ISM1: variants seen among roughly 807,000 people sequenced by gnomAD.
ISM1 encodes isthmin-1.
Under a neutral mutation model 46.3 loss-of-function variants are expected in ISM1, and 25 were observed. That is an observed-to-expected ratio of 0.54 (90% CI 0.39 to 0.75). The LOEUF is 0.75. Ranked by LOEUF, ISM1 falls within the 30% of genes least tolerant of loss-of-function variation. The probability of loss-of-function intolerance (pLI) is 0.00; values close to 1 mark genes in which losing one functional copy is unlikely to be tolerated. For missense variants in ISM1, 536 were observed against 625.4 expected, an observed-to-expected ratio of 0.86 and a Z score of 1.52; for synonymous variants, 255 against 256.7, an observed-to-expected ratio of 0.99 and a Z score of 0.06.
intron 4 of ISM1, 88 bp from the exon 5 acceptor site, chr20:13,292,286 T>A: frequency 1.3e-6 from 1 of 798,494 alleles, no homozygotes; most frequent in South Asian, 1.6e-5. Flanking sequence ...AAGGCTTTGT[T>A]CAGGTGTATT....
At chr20:13,259,498 G>C (rs963881889) in intron 1 of ISM1, among the ~76,000 whole-genome samples, 3 of 152,058 alleles carry the variant, frequency 2.0e-5, no homozygotes, top group Non-Finnish European at 4.4e-5. Context: ...TAAAGAAAAA[G>C]CACATGTCAA....
intron 1 of ISM1, among the ~76,000 whole-genome samples, chr20:13,223,568 C>T (rs1208438375): frequency 6.6e-6 from 1 of 152,128 alleles, no homozygotes; most frequent in Non-Finnish European, 1.5e-5. Context: ...GATTATTGCA[C>T]GCAATTACAA....
chr20:13,303,605 G>A (rs2040476599), downstream of ISM1, among the ~76,000 whole-genome samples: 1 of 152,226 alleles, frequency 6.6e-6, no homozygotes, highest in Non-Finnish European at 1.5e-5. Context: ...TGTGCAGAGG[G>A]CTTAAGAGTT....
intron 5 of ISM1, among the ~76,000 whole-genome samples, chr20:13,298,170 A>G (rs1296625366): frequency 6.6e-6 from 1 of 152,098 alleles, no homozygotes; most frequent in Non-Finnish European, 1.5e-5. Flanking sequence ...CAGTGGTGCA[A>G]TCTCAGCTCA....
chr20:13,228,801 C>A (rs1275006489), intron 1 of ISM1, among the ~76,000 whole-genome samples: 1 of 152,152 alleles, frequency 6.6e-6, no homozygotes, highest in African/African-American at 2.4e-5. Flanking sequence ...ATTTCAAGAT[C>A]TATCTTTCAT....
At chr20:13,281,919 CT>C (rs1463050568) in intron 3 of ISM1, among the ~76,000 whole-genome samples, 2 of 152,160 alleles carry the variant, frequency 1.3e-5, no homozygotes, top group African/African-American at 4.8e-5. Context: ...CAGCCCCTTC[CT>C]TATGTACCAG....
intron 3 of ISM1, among the ~76,000 whole-genome samples, chr20:13,285,012 C>T (rs988044452): frequency 6.6e-6 from 1 of 152,188 alleles, no homozygotes; most frequent in Non-Finnish European, 1.5e-5. Flanking sequence ...CCAGGCCAGG[C>T]ATGGTGACGT....
the ISM1 span, among the ~76,000 whole-genome samples, chr20:13,310,370 A>AC: frequency 6.6e-6 from 1 of 152,164 alleles, no homozygotes; most frequent in Non-Finnish European, 1.5e-5. Flanking sequence ...CTGGATATCC[A>AC]CCTGCAGAAG....
chr20:13,225,720 C>T (rs113923434), intron 1 of ISM1, among the ~76,000 whole-genome samples: 2,265 of 152,254 alleles, frequency 0.015, 32 homozygotes, highest in African/African-American at 0.018. Flanking sequence ...AATGAGAAAA[C>T]TATCTGCAGT....
intron 2 of ISM1, among the ~76,000 whole-genome samples, chr20:13,275,521 AG>A (rs1299262471): frequency 6.6e-6 from 1 of 152,184 alleles, no homozygotes; most frequent in Non-Finnish European, 1.5e-5. Flanking sequence ...GTTTGGGATC[AG>A]GCACCACCAT....
chr20:13,226,860 G>A (rs1478969487), intron 1 of ISM1, among the ~76,000 whole-genome samples: 2 of 152,196 alleles, frequency 1.3e-5, no homozygotes, highest in Non-Finnish European at 2.9e-5. Flanking sequence ...GATTCTAGTG[G>A]ACAAGAAATA....
chr20:13,229,835 T>C (rs1475086076), intron 1 of ISM1, among the ~76,000 whole-genome samples: 2 of 152,142 alleles, frequency 1.3e-5, no homozygotes, highest in African/African-American at 4.8e-5. Flanking sequence ...CAGAAATCCC[T>C]CTCTCTCTTC....
rs768392760 is a variant in ISM1 at position 13,279,774 on chromosome 20, C to G, written c.519C>G (p.Ser173Arg). 6.2e-7 allele frequency: 1 copy of G among 1,614,016 alleles called. No individual in the cohort carries two copies. Among genetic ancestry groups the G allele is most frequent in the South Asian group, 1.1e-5 (1 of 91,088 alleles). Reference protein sequence around the residue: ...QRSLSLARANSGDQDYKYDST... With the variant: ...QRSLSLARANRGDQDYKYDST... ...CCCTGTCCTTGGCCAGGGCAAACAG[C>G]GGGGACCAGGACTACAAGTACGACA... Residue 173 changes from serine (S) to arginine (R), a missense_variant, in exon 3 of 6, where the codon AGC becomes AGG. Physicochemically the swap from Ser to Arg is moderately radical, Grantham distance 110. This residue lies in a region of ISM1 where 367 missense variants were observed against 376.1 expected (regional missense o/e 0.98). Coordinates refer to ENST00000262487, the MANE Select transcript of ISM1 (RefSeq NM_080826.2).
At chr20:13,244,302 C>G (rs1177759203) in intron 1 of ISM1, 2 of 143,288 alleles carry the variant, frequency 1.4e-5, no homozygotes, top group African/African-American at 2.6e-5. Context: ...AGAGGGGACT[C>G]TCTCGACACT....
chr20:13,298,293 G>A (rs1216542810), intron 5 of ISM1, among the ~76,000 whole-genome samples: 1 of 152,032 alleles, frequency 6.6e-6, no homozygotes, highest in Non-Finnish European at 1.5e-5. Context: ...TTTTAGTAGA[G>A]ACGGGGTTTC....
At chr20:13,315,324 C>T in the ISM1 span, among the ~76,000 whole-genome samples, 3 of 152,000 alleles carry the variant, frequency 2.0e-5, no homozygotes, top group East Asian at 1.9e-4. Flanking sequence ...TATAAGGCCA[C>T]GTAGAAAGGT....
At chr20:13,295,541 A>G (rs1022492576) in intron 5 of ISM1, among the ~76,000 whole-genome samples, 1 of 152,134 alleles carries the variant, frequency 6.6e-6, no homozygotes, top group African/African-American at 2.4e-5. Context: ...TCCCCCATCG[A>G]TGCTATTGCA....
At chr20:13,230,217 CTT>C (rs1207351024) in intron 1 of ISM1, among the ~76,000 whole-genome samples, 2 of 152,136 alleles carry the variant, frequency 1.3e-5, no homozygotes, top group African/African-American at 4.8e-5. Flanking sequence ...TTTAACAACT[CTT>C]AATATCAGAA....
intron 5 of ISM1, among the ~76,000 whole-genome samples, chr20:13,293,868 G>A (rs1011998407): frequency 1.3e-5 from 2 of 152,086 alleles, no homozygotes; most frequent in Non-Finnish European, 2.9e-5. Flanking sequence ...CAGCTACTCT[G>A]GAGGCTGAGG....
Sources: allele counts gnomAD v4.1 joint callset (sites outside exome capture counted in the v4.1 genomes callset), GRCh38; gene constraint gnomAD v4.1.1; regional missense constraint gnomAD v4.1.1; transcripts MANE v1.5; gene names NCBI Gene and HGNC (gene_info 2026-07-23, HGNC 2026-07-21).